Variants in SPTBN1 observed in about 807,000 individuals in gnomAD.
SPTBN1 encodes spectrin beta chain, non-erythrocytic 1.
Under a neutral mutation model 266.4 loss-of-function variants are expected in SPTBN1, and 32 were observed. The ratio of observed to expected loss-of-function variants is 0.12; its 90% confidence interval spans 0.09 to 0.16. The LOEUF (loss-of-function observed/expected upper bound fraction) is 0.16, where lower values mean the gene tolerates loss of function less well. Ranked by LOEUF, SPTBN1 falls within the 10% of genes least tolerant of loss-of-function variation. The pLI is 1.00. For synonymous variants in SPTBN1, 1,336 were observed against 1,162.2 expected, an observed-to-expected ratio of 1.15 and a Z score of -3.04; for missense variants, 2,296 against 3,067.1, an observed-to-expected ratio of 0.75 and a Z score of 5.94.
At position 54,649,219 on chromosome 2, in the gene SPTBN1, G is replaced by A. The variant is rs17521510; in HGVS notation, c.5202+29G>A. 66,253 of 1,573,652 alleles carry A rather than the reference G, an allele frequency of 0.042. 1,776 individuals are homozygous for A. Among genetic ancestry groups the A allele is most frequent in the Admixed American group, 0.11 (6,561 of 58,356 alleles). On this transcript the variant is annotated intron_variant, in intron 25 of 35. Coordinates refer to ENST00000356805, the MANE Select transcript of SPTBN1 (RefSeq NM_003128.3). The surrounding 1 kb of genome is among the most constrained non-coding windows in gnomAD (Gnocchi z 6.7). ...AGTACTTGAGGCAGTGCATGAGTTG[G>A]TTGTGCAGTAAGCGATGGTGTGGAA...
At chr2:54,634,517 T>A (rs1160191936) in intron 17 of SPTBN1, among the ~76,000 whole-genome samples, 1 of 152,194 alleles carries the variant, frequency 6.6e-6, no homozygotes, top group Non-Finnish European at 1.5e-5. Flanking sequence ...TACATTTTCT[T>A]ATTTTTCTCC....
At chr2:54,560,069 C>T (rs1470172892) in intron 2 of SPTBN1, among the ~76,000 whole-genome samples, 1 of 151,932 alleles carries the variant, frequency 6.6e-6, no homozygotes, top group Non-Finnish European at 1.5e-5. Flanking sequence ...TCCCTTCGCT[C>T]TGGGGAACGG....
chr2:54,563,010 T>C (rs888254108), intron 2 of SPTBN1, among the ~76,000 whole-genome samples: 1 of 152,210 alleles, frequency 6.6e-6, no homozygotes, highest in Non-Finnish European at 1.5e-5. Flanking sequence ...GTCTGGTCTT[T>C]ATAACATACC....
intron 33 of SPTBN1, 147 bp from the exon 34 acceptor site, chr2:54,665,768 A>G: frequency 2.2e-6 from 2 of 919,980 alleles, no homozygotes; most frequent in South Asian, 3.8e-5. Context: ...GAATTTAGGA[A>G]GGGCTTGTAA....
chr2:54,645,623 G>T lies in SPTBN1; in HGVS notation c.4494+170G>T, dbSNP rs1006621857. Among the ~76,000 whole-genome samples the T allele has an allele frequency of 1.3e-5, 2 of 152,126 alleles. No homozygotes were observed. The highest frequency in any genetic ancestry group is 4.8e-5 in the African/African-American group (2 of 41,420). Reference sequence around the variant, plus strand: ...GTTTCTTTCCCTTTTCACCCTAAATGTAACTCCATTGGTCCTCTCACGTTA... The same window carrying T: ...GTTTCTTTCCCTTTTCACCCTAAATTTAACTCCATTGGTCCTCTCACGTTA... On this transcript the variant is annotated intron_variant, in intron 21 of 35. Transcript: ENST00000356805. The surrounding 1 kb of genome is among the most constrained non-coding windows in gnomAD (Gnocchi z 4.3).
intron 2 of SPTBN1, among the ~76,000 whole-genome samples, chr2:54,564,751 CT>C (rs1415780734): frequency 6.6e-6 from 1 of 152,194 alleles, no homozygotes; most frequent in African/African-American, 2.4e-5. Flanking sequence ...GTCAACATCC[CT>C]GCTTGGACTC....
intron 2 of SPTBN1, among the ~76,000 whole-genome samples, chr2:54,546,835 T>G (rs931236833): frequency 9.2e-5 from 14 of 152,180 alleles, no homozygotes; most frequent in African/African-American, 3.4e-4. Flanking sequence ...AATGTTTGAT[T>G]TGAGCTTCAG....
rs1487296113 is a variant in SPTBN1 at position 54,586,651 on chromosome 2, C to T, written c.149-12441C>T. Among the ~76,000 whole-genome samples, 4 of 152,154 alleles carry T rather than the reference C, an allele frequency of 2.6e-5. No homozygotes were observed. In the East Asian group the frequency reaches 7.7e-4, roughly 29 times the overall value. The stretch of plus-strand genomic sequence containing the variant: ...CATAGTAGACAGCTCTGTGTGGTGG[C>T]TTTAAGTCTTTTGACTCCCCCTCTT... On this transcript the variant is annotated intron_variant, in intron 2 of 35. Coordinates refer to ENST00000356805, the MANE Select transcript of SPTBN1 (RefSeq NM_003128.3).
In SPTBN1 at chr2:54,540,904, A is replaced by G. The variant is rs1193615508; in HGVS notation, c.148+14338A>G. 1.3e-5 allele frequency among the ~76,000 whole-genome samples: 2 copies of G among 152,238 alleles called. No individual in the cohort carries two copies. The highest frequency in any genetic ancestry group is 4.8e-5 in the African/African-American group (2 of 41,456). On this transcript the variant is annotated intron_variant, in intron 2 of 35. Coordinates refer to ENST00000356805, the MANE Select transcript of SPTBN1 (RefSeq NM_003128.3). This position sits in a 1 kb window ranked among gnomAD's most constrained non-coding sequence, Gnocchi z 5.6. ...CGTAGATTACCTCTATTTTGCTGCAACAGCCAAAGGCCATTCATCTGCCCC... is the reference window on the plus strand; with the variant it reads ...CGTAGATTACCTCTATTTTGCTGCAGCAGCCAAAGGCCATTCATCTGCCCC...
At chr2:54,589,000 G>A (rs1675487227) in intron 2 of SPTBN1, among the ~76,000 whole-genome samples, 1 of 152,006 alleles carries the variant, frequency 6.6e-6, no homozygotes, top group Admixed American at 6.5e-5. Context: ...TTTAATATAG[G>A]TATGTGATGC....
intron 29 of SPTBN1, among the ~76,000 whole-genome samples, chr2:54,656,491 T>G (rs1382021831): frequency 6.6e-6 from 1 of 152,224 alleles, no homozygotes; most frequent in Non-Finnish European, 1.5e-5. Context: ...TGAATTAGAT[T>G]CTATTTTTAA....
At chr2:54,534,554 A>G (rs1187815988) in intron 2 of SPTBN1, among the ~76,000 whole-genome samples, 3 of 152,218 alleles carry the variant, frequency 2.0e-5, no homozygotes, top group African/African-American at 4.8e-5. Context: ...TCACATATAA[A>G]TGGTTTCCAT....
chr2:54,509,931 T>C (rs1669761348), intron 1 of SPTBN1, among the ~76,000 whole-genome samples: 3 of 149,372 alleles, frequency 2.0e-5, no homozygotes, highest in Non-Finnish European at 4.4e-5. Flanking sequence ...GGAACCATAG[T>C]GTCTCTTTGT....
chr2:54,629,541 C>A lies in SPTBN1; in HGVS notation c.2407C>A (p.Leu803Met). 1 of 1,614,118 alleles carries A rather than the reference C, an allele frequency of 6.2e-7. No individual in the cohort carries two copies. The highest frequency in any genetic ancestry group is 1.1e-5 in the South Asian group (1 of 91,086). The change falls in exon 14 of 36, where the codon CTG becomes ATG. Residue 803 changes from leucine (L) to methionine (M), a missense_variant. By Grantham distance (15) the Leu-to-Met change is conservative (BLOSUM62 2). Transcript: ENST00000356805. ...IANYRPTLDT[L>M]HEQASALPQE... ...CAATTACAGGCCCACCCTTGACACG[C>A]TGCACGAACAAGCCAGCGCCCTCCC...
chr2:54,651,137 ATAGAAT>A (rs1427732930), intron 26 of SPTBN1, among the ~76,000 whole-genome samples: 1 of 152,234 alleles, frequency 6.6e-6, no homozygotes, highest in Non-Finnish European at 1.5e-5. Flanking sequence ...ATATCTAGAG[ATAGAAT>A]TAGAAAACAC....
Position 54,664,747 on chromosome 2 carries a change from A to T in SPTBN1, c.6659+56A>T. 1 of 1,554,370 alleles carries T rather than the reference A, an allele frequency of 6.4e-7. No individual in the cohort carries two copies. Among genetic ancestry groups the T allele is most frequent in the Non-Finnish European group, 8.8e-7 (1 of 1,133,428 alleles). ...TGGGAAGTCAGCCTGTGAAGGGATA[A>T]GGCGGGCCACTCTTGAATTGGAAGA... On this transcript the variant is annotated intron_variant, in intron 33 of 35. Transcript: ENST00000356805. This position sits in a 1 kb window ranked among gnomAD's most constrained non-coding sequence, Gnocchi z 5.6.
chr2:54,615,009 C>G (rs968770525), intron 4 of SPTBN1, among the ~76,000 whole-genome samples: 2 of 152,112 alleles, frequency 1.3e-5, no homozygotes, highest in African/African-American at 4.8e-5. Flanking sequence ...GAGCCTGTCT[C>G]TCACCCCTTG....
chr2:54,591,055 A>G (rs1051526139), intron 2 of SPTBN1, among the ~76,000 whole-genome samples: 1 of 152,204 alleles, frequency 6.6e-6, no homozygotes, highest in Admixed American at 6.5e-5. Context: ...GATTGTCAAA[A>G]TTATTCTCTT....
At chr2:54,627,165 G>T (rs1678401071) in intron 12 of SPTBN1, among the ~76,000 whole-genome samples, 2 of 152,224 alleles carry the variant, frequency 1.3e-5, no homozygotes, top group South Asian at 4.1e-4. Flanking sequence ...GAGGGGCAAA[G>T]TCATCTGATA....
Sources: gnomAD v4.1 joint callset for allele counts (sites outside exome capture counted in the v4.1 genomes callset) on GRCh38, gnomAD v4.1.1 for gene constraint, Gnocchi (gnomAD v3.1) non-coding constraint, MANE v1.5 for transcripts, NCBI Gene and HGNC (gene_info 2026-07-23, HGNC 2026-07-21) for gene names.